ZNF136: variants seen among roughly 807,000 people sequenced by gnomAD.
ZNF136 encodes the protein zinc finger protein 136 (clone pHZ-20).
A neutral mutation model predicts 11.4 loss-of-function variants in ZNF136; 8 were observed. The observed-to-expected ratio is 0.70, with a 90% CI of 0.41 to 1.27. The LOEUF is 1.27. ZNF136 is among the 50% of genes most tolerant of loss of function. ZNF136 has a pLI of 0.01. For synonymous variants in ZNF136, 190 were observed against 207.1 expected (o/e 0.92, Z 0.71); for missense variants, 590 against 656.5 (o/e 0.90, Z 1.11).
intron 1 of ZNF136, among the ~76,000 whole-genome samples, chr19:12,166,781 T>G (rs530708685): frequency 6.6e-6 from 1 of 152,362 alleles, no homozygotes; most frequent in East Asian, 1.9e-4. Flanking sequence ...ACATTAAGAT[T>G]GATTTTGCTG....
intron 1 of ZNF136, among the ~76,000 whole-genome samples, chr19:12,165,218 G>A (rs1344771449): frequency 6.6e-6 from 1 of 152,206 alleles, no homozygotes; most frequent in East Asian, 1.9e-4. Flanking sequence ...GCGTAATGCA[G>A]TGTCTCTTGG....
rs1314370021 is a variant in ZNF136 at position 12,187,654 on chromosome 19, G to A, written c.1276G>A (p.Gly426Ser). ...GEKPYVCKHCGKAFVSSTSIR... is the reference protein window; with the variant it reads ...GEKPYVCKHCSKAFVSSTSIR... ...GAAACCTTATGTATGTAAACATTGT[G>A]GTAAAGCTTTCGTTTCTTCAACATC... Residue 426 changes from glycine (G) to serine (S), a missense_variant, in exon 4 of 4, where the codon GGT (glycine) becomes AGT (serine). By Grantham distance (56) the Gly-to-Ser change is moderately conservative (BLOSUM62 0). Transcript: ENST00000343979. 2.5e-6 allele frequency: 4 copies of A among 1,613,930 alleles called. No individual in the cohort carries two copies. The South Asian group carries it at 4.4e-5, about 18-fold the overall frequency.
At chr19:12,165,156 C>T (rs997152788) in intron 1 of ZNF136, among the ~76,000 whole-genome samples, 4 of 152,160 alleles carry the variant, frequency 2.6e-5, no homozygotes, top group African/African-American at 9.7e-5. Context: ...ACTATCTCAG[C>T]GAGGTGGTGG....
In ZNF136 at chr19:12,187,742, A is replaced by G. The variant is rs779759008; in HGVS notation, c.1364A>G (p.Lys455Arg). 6.2e-7 allele frequency: 1 copy of G among 1,613,594 alleles called. No homozygotes were observed. The highest frequency in any genetic ancestry group is 1.1e-5 in the South Asian group (1 of 90,946). Residue 455 changes from lysine to arginine, a missense_variant, in exon 4 of 4, where the codon AAA (lysine) becomes AGA (arginine). Physicochemically the swap from Lys to Arg is conservative, Grantham distance 26. Coordinates refer to ENST00000343979, the MANE Select transcript of ZNF136 (RefSeq NM_003437.5). Reference protein sequence around the residue: ...EKPYECKQCGKAFSYLNSFRT... With the variant: ...EKPYECKQCGRAFSYLNSFRT... ...CCCTATGAGTGTAAGCAATGTGGGA[A>G]AGCCTTCAGTTATCTCAACTCCTTT...
intron 3 of ZNF136, among the ~76,000 whole-genome samples, 174 bp downstream of exon 3, chr19:12,186,348 G>A (rs1568404207): frequency 6.6e-6 from 1 of 152,096 alleles, no homozygotes; most frequent in Non-Finnish European, 1.5e-5. Flanking sequence ...TTATAAAAAT[G>A]TTCATTTGTC....
At position 12,186,823 on chromosome 19, in the gene ZNF136, T is replaced by G; in HGVS notation, c.445T>G (p.Phe149Val). 1 of 1,614,140 alleles carries G rather than the reference T, an allele frequency of 6.2e-7. No individual in the cohort carries two copies. Among genetic ancestry groups the G allele is most frequent in the Non-Finnish European group, 8.5e-7 (1 of 1,180,012 alleles). The change falls in exon 4 of 4, where the codon TTC becomes GTC. Residue 149 changes from phenylalanine to valine, a missense_variant. Phe to Val is a conservative substitution (Grantham distance 50). Coordinates refer to ENST00000343979, the MANE Select transcript of ZNF136 (RefSeq NM_003437.5). ...TACACGTAACCAGTGTTGGAAACCC[T>G]TCAGTTCTCACCACTCCTTTCGAAC... ...PDTRNQCWKP[F>V]SSHHSFRTHE...
rs1915210338 is a variant in ZNF136, at chr19:12,189,814, A to G, written c.*1813A>G. ...GTTATTTATTCTGGCTGCTCTTTGT[A>G]TAATTGATTTTGGGATAAGGAGACA... On this transcript the variant is annotated 3_prime_UTR_variant, in exon 4 of 4. Transcript: ENST00000343979. 1 of 152,174 alleles carries G rather than the reference A, an allele frequency of 6.6e-6. No homozygotes were observed. Among genetic ancestry groups the G allele is most frequent in the Non-Finnish European group, 1.5e-5 (1 of 68,044 alleles). The allele number at this position is 152,174 out of a possible 1,614,324, so 9.4% of individuals were successfully genotyped here.
chr19:12,169,250 A>T (rs1248252334), intron 1 of ZNF136: 1 of 152,252 alleles, frequency 6.6e-6, no homozygotes, highest in Non-Finnish European at 1.5e-5. Flanking sequence ...AAGTTAGTTG[A>T]TACTGAGCAG....
At position 12,188,953 on chromosome 19, in the gene ZNF136, CAT is replaced by C. The variant is rs2145645667; in HGVS notation, c.*955_*956del. The C allele has an allele frequency of 6.6e-6, 1 of 152,304 alleles. No homozygotes were observed. The highest frequency in any genetic ancestry group is 2.4e-5 in the African/African-American group (1 of 41,554). 9.4% of individuals were successfully genotyped at this position (152,304 alleles called of 1,614,324 possible). ...ATGTATATTTTGTTAATTAGTGGCT[CAT>C]ATTTAAAATAGTTCTCTGACTATGG... On this transcript the variant is annotated 3_prime_UTR_variant, in exon 4 of 4. Transcript: ENST00000343979.
intron 1 of ZNF136, among the ~76,000 whole-genome samples, chr19:12,172,045 G>T (rs1914668555): frequency 6.9e-6 from 1 of 144,308 alleles, no homozygotes; most frequent in Non-Finnish European, 1.5e-5. Flanking sequence ...GTGGCATGAT[G>T]TTGGCTCATT....
intron 1 of ZNF136, among the ~76,000 whole-genome samples, chr19:12,164,439 C>A: frequency 8.1e-6 from 1 of 122,850 alleles, no homozygotes; most frequent in East Asian, 2.3e-4. Context: ...TCCCAGATAA[C>A]TTTTTTTTTT....
chr19:12,172,011 C>T (rs1914667619), intron 1 of ZNF136, among the ~76,000 whole-genome samples: 1 of 146,498 alleles, frequency 6.8e-6, no homozygotes, highest in African/African-American at 2.5e-5. Flanking sequence ...CAGAGTCTCG[C>T]TCTGCCACCC....
chr19:12,186,934 C>T lies in ZNF136; in HGVS notation c.556C>T (p.His186Tyr), dbSNP rs200989060. Residue 186 changes from histidine (H) to tyrosine (Y), a missense_variant, in exon 4 of 4, where the codon CAC becomes TAC. Coordinates refer to ENST00000343979, the MANE Select transcript of ZNF136 (RefSeq NM_003437.5). ...TFFSLKRIRR[H>Y]IITHSGYTPY... is the part of the protein sequence containing the mutation. Reference sequence around the variant, plus strand: ...CTTTTCTCTCAAAAGAATTAGAAGACACATCATCACACACAGTGGATATAC... The same window carrying T: ...CTTTTCTCTCAAAAGAATTAGAAGATACATCATCACACACAGTGGATATAC... 5 of 1,614,006 alleles carry T rather than the reference C, an allele frequency of 3.1e-6. No individual in the cohort carries two copies. Among genetic ancestry groups the T allele is most frequent in the Non-Finnish European group, 4.2e-6 (5 of 1,179,990 alleles).
intron 1 of ZNF136, among the ~76,000 whole-genome samples, chr19:12,173,445 C>T (rs1271879678): frequency 1.3e-5 from 2 of 152,002 alleles, no homozygotes; most frequent in Non-Finnish European, 2.9e-5. Context: ...TGGGGAGCTT[C>T]TGGACAGCTG....
At chr19:12,183,729 G>C (rs1469812859) in intron 1 of ZNF136, among the ~76,000 whole-genome samples, 1 of 152,106 alleles carries the variant, frequency 6.6e-6, no homozygotes, top group Non-Finnish European at 1.5e-5. Context: ...CTCCTGAGTA[G>C]CTGGGACTAC....
intron 1 of ZNF136, among the ~76,000 whole-genome samples, chr19:12,173,583 A>G (rs547489127): frequency 5.3e-5 from 8 of 152,238 alleles, no homozygotes; most frequent in East Asian, 1.9e-4. Context: ...ACTTTGCCCT[A>G]TGCTTCTCCA....
At position 12,189,229 on chromosome 19, in the gene ZNF136, A is replaced by G. The variant is rs976820512; in HGVS notation, c.*1228A>G. ...GAGGACCACTGAAAAATAAGTCTTA[A>G]TAAATGTTGGTATGAACCTACTTGC... On this transcript the variant is annotated 3_prime_UTR_variant, in exon 4 of 4. Coordinates refer to ENST00000343979, the MANE Select transcript of ZNF136 (RefSeq NM_003437.5). 2.6e-5 allele frequency: 4 copies of G among 152,240 alleles called. No individual in the cohort carries two copies. The highest frequency in any genetic ancestry group is 9.6e-5 in the African/African-American group (4 of 41,464). 9.4% of individuals were successfully genotyped at this position (152,240 alleles called of 1,614,324 possible). A position where few individuals can be genotyped will look rare whatever the true frequency, so the allele number is the denominator to read the frequency against.
At position 12,187,157 on chromosome 19, in the gene ZNF136, C is replaced by T. The variant is rs770046992; in HGVS notation, c.779C>T (p.Pro260Leu). ...TATAAATGTAAGGTATGTGGGAAAC[C>T]CTTTCATTCTCTGAGTTCATTTCAA... ...GPYKCKVCGK[P>L]FHSLSSFQVH... The change falls in exon 4 of 4, where the codon CCC becomes CTC. Residue 260 changes from proline (P) to leucine (L), a missense_variant. By Grantham distance (98) the Pro-to-Leu change is moderately conservative. Coordinates refer to ENST00000343979, the MANE Select transcript of ZNF136 (RefSeq NM_003437.5). The T allele has an allele frequency of 6.2e-7, 1 of 1,613,976 alleles. No individual in the cohort carries two copies. The highest frequency in any genetic ancestry group is 8.5e-7 in the Non-Finnish European group (1 of 1,179,968).
At chr19:12,172,204 C>T (rs984759117) in intron 1 of ZNF136, among the ~76,000 whole-genome samples, 10 of 152,064 alleles carry the variant, frequency 6.6e-5, no homozygotes. Context: ...TTGCCTTGGC[C>T]TCCCAACATG....
Sources: gnomAD v4.1 joint callset for allele counts (sites outside exome capture counted in the v4.1 genomes callset) on GRCh38, gnomAD v4.1.1 for gene constraint, MANE v1.5 for transcripts, NCBI Gene and HGNC (gene_info 2026-07-23, HGNC 2026-07-21) for gene names.